The following SH3GL3 variants were observed in gnomAD, a reference collection of about 807,000 sequenced individuals.
SH3GL3 encodes endophilin-A3.
A neutral mutation model predicts 47.7 loss-of-function variants in SH3GL3; 33 were observed. The ratio of observed to expected loss-of-function variants is 0.69; its 90% CI spans 0.52 to 0.92. SH3GL3 has a LOEUF of 0.92. SH3GL3 is among the 40% of genes least tolerant of loss of function. The pLI is 0.00. For missense variants in SH3GL3, 363 were observed against 417.8 expected (o/e 0.87, Z 1.14); for synonymous variants, 155 against 148.8 (o/e 1.04, Z -0.30).
At chr15:83,510,091 CTT>C (rs35224712) in intron 1 of SH3GL3, among the ~76,000 whole-genome samples, 53 of 148,036 alleles carry the variant, frequency 3.6e-4, no homozygotes, top group Non-Finnish European at 3.4e-4. Context: ...CTTAAGGATT[CTT>C]TTTTTTTTTT....
At chr15:83,626,979 G>A in the SH3GL3 span, among the ~76,000 whole-genome samples, 723 of 152,278 alleles carry the variant, frequency 4.7e-3, 6 homozygotes, top group African/African-American at 0.017. Flanking sequence ...GAAATATCAT[G>A]ACCTTTCCGT....
intron 1 of SH3GL3, among the ~76,000 whole-genome samples, chr15:83,511,250 A>C (rs1397871201): frequency 6.6e-6 from 1 of 151,968 alleles, no homozygotes; most frequent in East Asian, 1.9e-4. Flanking sequence ...CTTTGCAGAA[A>C]GTACCACCTC....
At chr15:83,580,701 G>A (rs1567009005) in intron 6 of SH3GL3, among the ~76,000 whole-genome samples, 1 of 152,216 alleles carries the variant, frequency 6.6e-6, no homozygotes, top group Non-Finnish European at 1.5e-5. Context: ...TCCCCTCCTT[G>A]CACCTTCGGT....
rs2059688363 is a variant in SH3GL3, at chr15:83,576,629, A to G, written c.512A>G (p.Lys171Arg). ...GGCCGCCGCCTGGATTACGATTATAAAAAGAAACGAGTAGGTAAGATACCA... is the reference window on the plus strand; with the variant it reads ...GGCCGCCGCCTGGATTACGATTATAGAAAGAAACGAGTAGGTAAGATACCA... ...LEGRRLDYDY[K>R]KKRVGKIPDE... The change falls in exon 6 of 9, where the codon AAA becomes AGA. Residue 171 changes from lysine (K) to arginine (R), a missense_variant. Physicochemically the swap from Lys to Arg is conservative, Grantham distance 26. Coordinates refer to ENST00000427482, the MANE Select transcript of SH3GL3 (RefSeq NM_003027.5). The G allele has an allele frequency of 6.2e-7, 1 of 1,613,314 alleles. No homozygotes were observed. The highest frequency in any genetic ancestry group is 8.5e-7 in the Non-Finnish European group (1 of 1,179,728).
At chr15:83,519,366 C>T (rs536210940) in intron 1 of SH3GL3, among the ~76,000 whole-genome samples, 73 of 152,188 alleles carry the variant, frequency 4.8e-4, no homozygotes, top group Non-Finnish European at 8.8e-4. Context: ...TTGTACTTCT[C>T]CTCGTAGACA....
intron 1 of SH3GL3, among the ~76,000 whole-genome samples, chr15:83,451,002 G>A (rs2039747808): frequency 8.3e-6 from 1 of 120,344 alleles, no homozygotes; most frequent in African/African-American, 3.2e-5. Flanking sequence ...TCCCCTTCCT[G>A]TGTCCATGTG....
intron 1 of SH3GL3, among the ~76,000 whole-genome samples, chr15:83,516,373 C>T (rs769144974): frequency 3.3e-5 from 5 of 152,172 alleles, no homozygotes; most frequent in Non-Finnish European, 5.9e-5. Flanking sequence ...GTGGCAATCA[C>T]TTATTGCTTT....
intron 1 of SH3GL3, among the ~76,000 whole-genome samples, chr15:83,492,117 T>A (rs1007806217): frequency 4.6e-5 from 7 of 151,794 alleles, no homozygotes; most frequent in African/African-American, 1.7e-4. Context: ...ACCCCGTCTC[T>A]ACTAAAAATA....
Position 83,536,875 on chromosome 15 carries a change from T to C in SH3GL3, c.46-22378T>C, listed in dbSNP as rs561267143. 4.6e-5 allele frequency among the ~76,000 whole-genome samples: 7 copies of C among 152,372 alleles called. No homozygotes were observed. The South Asian group carries it at 1.4e-3, about 32-fold the overall frequency. ...AAAAAGTTCCCCTCTATACTTTGAT[T>C]ATCTCTGTTTCCTTTGGATCATTCT... On this transcript the variant is annotated intron_variant, in intron 1 of 8. Coordinates refer to ENST00000427482, the MANE Select transcript of SH3GL3 (RefSeq NM_003027.5).
chr15:83,481,771 T>A (rs1162915648), intron 1 of SH3GL3, among the ~76,000 whole-genome samples: 1 of 152,206 alleles, frequency 6.6e-6, no homozygotes, highest in Admixed American at 6.5e-5. Context: ...TTGGGTTGCA[T>A]TGAAAGAAAG....
chr15:83,613,778 C>T (rs1394006970), intron 8 of SH3GL3, among the ~76,000 whole-genome samples: 1 of 152,122 alleles, frequency 6.6e-6, no homozygotes. Flanking sequence ...AGCTGATGGC[C>T]TAGGGTCTGG....
chr15:83,505,540 T>C (rs1042111867), intron 1 of SH3GL3, among the ~76,000 whole-genome samples: 3 of 149,452 alleles, frequency 2.0e-5, no homozygotes, highest in African/African-American at 5.0e-5. Flanking sequence ...TTTTTTTTTT[T>C]TTTGAGAGAT....
At chr15:83,507,229 C>T (rs1211310918) in intron 1 of SH3GL3, among the ~76,000 whole-genome samples, 3 of 151,868 alleles carry the variant, frequency 2.0e-5, no homozygotes, top group African/African-American at 4.8e-5. Flanking sequence ...AGGATGGTCT[C>T]GATCTCCTGA....
chr15:83,631,410 C>T, the SH3GL3 span, among the ~76,000 whole-genome samples: 7 of 152,346 alleles, frequency 4.6e-5, no homozygotes, highest in Admixed American at 4.6e-4. Context: ...CTCCATGTTT[C>T]CCTTCTGCCC....
At chr15:83,603,884 C>T (rs541732064) in intron 8 of SH3GL3, among the ~76,000 whole-genome samples, 3 of 152,192 alleles carry the variant, frequency 2.0e-5, no homozygotes, top group African/African-American at 7.2e-5. Flanking sequence ...CCTGTAATCC[C>T]AGCACTTTGG....
chr15:83,489,484 G>T (rs1474944734), intron 1 of SH3GL3, among the ~76,000 whole-genome samples: 1 of 152,130 alleles, frequency 6.6e-6, no homozygotes, highest in Non-Finnish European at 1.5e-5. Context: ...ACCTCCCGTG[G>T]GAACTGTTAC....
At chr15:83,499,279 A>G (rs1414939541) in intron 1 of SH3GL3, among the ~76,000 whole-genome samples, 1 of 151,970 alleles carries the variant, frequency 6.6e-6, no homozygotes, top group Non-Finnish European at 1.5e-5. Context: ...TAAATGTAAA[A>G]CTGATTCTAC....
intron 1 of SH3GL3, among the ~76,000 whole-genome samples, chr15:83,515,126 A>G (rs144377293): frequency 4.7e-4 from 71 of 152,260 alleles, no homozygotes; most frequent in African/African-American, 1.7e-3. Flanking sequence ...CTGTGAGAAA[A>G]TAAGTCTGTA....
intron 8 of SH3GL3, among the ~76,000 whole-genome samples, chr15:83,614,490 C>T (rs773507936): frequency 2.6e-5 from 4 of 152,308 alleles, no homozygotes; most frequent in Non-Finnish European, 4.4e-5. Context: ...CCTTCTCTTT[C>T]CTCGCCAGCT....
Sources: allele counts gnomAD v4.1 joint callset (sites outside exome capture counted in the v4.1 genomes callset), GRCh38; gene constraint gnomAD v4.1.1; transcripts MANE v1.5; gene names NCBI Gene and HGNC (gene_info 2026-07-23, HGNC 2026-07-21).